SHISA9: variants seen among roughly 807,000 people sequenced by gnomAD.
SHISA9 encodes protein shisa-9.
In SHISA9, 13 loss-of-function variants were observed where a neutral mutation model predicts 38.0. The observed-to-expected ratio is 0.34, with a 90% CI of 0.22 to 0.54. The LOEUF (loss-of-function observed/expected upper bound fraction) is 0.54. SHISA9 is among the 20% of genes least tolerant of loss of function. The probability of loss-of-function intolerance (pLI) is 0.91; values close to 1 mark genes in which losing one functional copy is unlikely to be tolerated. For missense variants in SHISA9, 538 were observed against 575.8 expected (o/e 0.93, Z 0.67); for synonymous variants, 275 against 242.0 (o/e 1.14, Z -1.27).
At chr16:13,391,873 A>G in the SHISA9 span, among the ~76,000 whole-genome samples, 1 of 152,230 alleles carries the variant, frequency 6.6e-6, no homozygotes, top group African/African-American at 2.4e-5. Flanking sequence ...TCAGAGGACT[A>G]TGAAAAGTCC....
chr16:13,108,418 T>A (rs1030263880), intron 2 of SHISA9, among the ~76,000 whole-genome samples: 3 of 152,120 alleles, frequency 2.0e-5, no homozygotes, highest in African/African-American at 7.2e-5. Flanking sequence ...GCAGGCACCA[T>A]CATGCCCGGC....
At chr16:13,492,531 A>G in the SHISA9 span, among the ~76,000 whole-genome samples, 1 of 152,108 alleles carries the variant, frequency 6.6e-6, no homozygotes. Context: ...TCTACTGCCC[A>G]CCTTTTGTTG....
At chr16:13,469,373 GAA>G in the SHISA9 span, among the ~76,000 whole-genome samples, 1 of 83,558 alleles carries the variant, frequency 1.2e-5, no homozygotes, top group Non-Finnish European at 2.6e-5. Flanking sequence ...GAAAAAGAAA[GAA>G]AGAAAGAAAG....
chr16:13,481,160 C>G, the SHISA9 span, among the ~76,000 whole-genome samples: 1 of 152,154 alleles, frequency 6.6e-6, no homozygotes, highest in Non-Finnish European at 1.5e-5. Flanking sequence ...TTCTGAAAAG[C>G]TTGTCTTTGC....
At chr16:13,340,135 G>A in the SHISA9 span, among the ~76,000 whole-genome samples, 1 of 152,118 alleles carries the variant, frequency 6.6e-6, no homozygotes, top group Non-Finnish European at 1.5e-5. Context: ...TACCTCTTGG[G>A]ACTAATTGAC....
the SHISA9 span, among the ~76,000 whole-genome samples, chr16:13,250,110 T>C: frequency 2.6e-5 from 4 of 152,186 alleles, no homozygotes; most frequent in South Asian, 8.3e-4. Flanking sequence ...CTGGAGGATA[T>C]CTAATCTGCT....
At chr16:13,408,227 T>C in the SHISA9 span, among the ~76,000 whole-genome samples, 1 of 152,178 alleles carries the variant, frequency 6.6e-6, no homozygotes, top group African/African-American at 2.4e-5. Flanking sequence ...GGTTATATTA[T>C]GTTGTAGACA....
At chr16:12,951,092 G>A (rs1006457769) in intron 2 of SHISA9, among the ~76,000 whole-genome samples, 1 of 150,376 alleles carries the variant, frequency 6.6e-6, no homozygotes. Flanking sequence ...GTGGTGGCAG[G>A]CACCTGTAAT....
At chr16:13,406,328 T>C in the SHISA9 span, among the ~76,000 whole-genome samples, 1 of 152,222 alleles carries the variant, frequency 6.6e-6, no homozygotes, top group Non-Finnish European at 1.5e-5. Context: ...TCAGTGCCAA[T>C]GTTACTCTTA....
intron 2 of SHISA9, among the ~76,000 whole-genome samples, chr16:13,126,015 T>A (rs1241895851): frequency 6.6e-6 from 1 of 152,208 alleles, no homozygotes; most frequent in East Asian, 1.9e-4. Context: ...GAAATGGCCA[T>A]CAATATTTGC....
At chr16:13,304,624 C>T in the SHISA9 span, among the ~76,000 whole-genome samples, 1 of 152,108 alleles carries the variant, frequency 6.6e-6, no homozygotes, top group Non-Finnish European at 1.5e-5. Flanking sequence ...ATATTGCTAT[C>T]ATTTATTGTG....
chr16:13,242,137 G>T (rs930703455), downstream of SHISA9, among the ~76,000 whole-genome samples: 5 of 152,224 alleles, frequency 3.3e-5, no homozygotes, highest in Non-Finnish European at 1.5e-5. Context: ...GCTGTTCAGA[G>T]ATTTGTCTAA....
At chr16:13,469,660 C>T in the SHISA9 span, among the ~76,000 whole-genome samples, 2 of 152,168 alleles carry the variant, frequency 1.3e-5, no homozygotes, top group Non-Finnish European at 2.9e-5. Flanking sequence ...TCACTCATTC[C>T]CTCACATCCC....
intron 2 of SHISA9, among the ~76,000 whole-genome samples, chr16:13,075,934 C>T (rs950095513): frequency 4.6e-5 from 7 of 152,072 alleles, no homozygotes; most frequent in African/African-American, 1.4e-4. Flanking sequence ...CATCAGATGC[C>T]GGTAGCACAC....
chr16:13,144,876 G>A (rs2050433346), intron 2 of SHISA9, among the ~76,000 whole-genome samples: 1 of 152,118 alleles, frequency 6.6e-6, no homozygotes, highest in Admixed American at 6.6e-5. Flanking sequence ...ATTATACAAA[G>A]AAAGAAGGGG....
At chr16:13,270,825 G>A in the SHISA9 span, among the ~76,000 whole-genome samples, 1 of 152,182 alleles carries the variant, frequency 6.6e-6, no homozygotes, top group East Asian at 1.9e-4. Flanking sequence ...GAGGGGTAGA[G>A]CACCTTGGAG....
the SHISA9 span, among the ~76,000 whole-genome samples, chr16:13,273,996 G>T: frequency 1.2e-4 from 19 of 152,196 alleles, no homozygotes; most frequent in African/African-American, 4.6e-4. Flanking sequence ...GTTGTTTTTA[G>T]AAAAGAATCA....
intron 2 of SHISA9, among the ~76,000 whole-genome samples, chr16:13,041,584 T>C (rs1189578583): frequency 1.3e-5 from 2 of 152,248 alleles, no homozygotes; most frequent in Non-Finnish European, 2.9e-5. Context: ...TGATTTATTT[T>C]GTGTTTTGAA....
the SHISA9 span, among the ~76,000 whole-genome samples, chr16:13,549,081 G>C: frequency 1.3e-5 from 2 of 152,210 alleles, no homozygotes; most frequent in Admixed American, 1.3e-4. Flanking sequence ...GATGAATCTG[G>C]AGATCATTAT....
Sources: gnomAD v4.1 joint callset for allele counts (sites outside exome capture counted in the v4.1 genomes callset) on GRCh38, gnomAD v4.1.1 for gene constraint, MANE v1.5 for transcripts, NCBI Gene and HGNC (gene_info 2026-07-23, HGNC 2026-07-21) for gene names.